Variants in SGIP1 observed in about 807,000 individuals in gnomAD.
SGIP1 encodes SH3-containing GRB2-like protein 3-interacting protein 1.
A neutral mutation model predicts 107.5 loss-of-function variants in SGIP1; 38 were observed. That is an observed-to-expected ratio of 0.35 (90% confidence interval 0.27 to 0.46). The LOEUF is 0.46. Ranked by LOEUF, SGIP1 falls within the 20% of genes least tolerant of loss-of-function variation. SGIP1 has a pLI of 1.00. For missense variants in SGIP1, 929 were observed against 1,019.5 expected (o/e 0.91, Z 1.21); for synonymous variants, 365 against 366.1 (o/e 1.00, Z 0.03).
chr1:66,704,972 A>G (rs924850122), intron 18 of SGIP1, among the ~76,000 whole-genome samples: 1 of 152,246 alleles, frequency 6.6e-6, no homozygotes, highest in Non-Finnish European at 1.5e-5. Context: ...AATATTTAAT[A>G]TGTGCTAGAC....
At chr1:66,699,567 C>T (rs571496694) in intron 18 of SGIP1, among the ~76,000 whole-genome samples, 6 of 152,286 alleles carry the variant, frequency 3.9e-5, no homozygotes, top group African/African-American at 1.4e-4. Context: ...TCCTGGAAGT[C>T]ATTCCCCTGG....
chr1:66,720,694 C>A (rs531368143), intron 19 of SGIP1, among the ~76,000 whole-genome samples: 1 of 152,096 alleles, frequency 6.6e-6, no homozygotes, highest in Non-Finnish European at 1.5e-5. Context: ...CCACTGCACT[C>A]CAGCCTGGGT....
At chr1:66,618,756 C>T (rs1339687510) in intron 1 of SGIP1, among the ~76,000 whole-genome samples, 1 of 152,186 alleles carries the variant, frequency 6.6e-6, no homozygotes, top group Non-Finnish European at 1.5e-5. Flanking sequence ...TCCCTCACCC[C>T]TAGTGATTAC....
intron 1 of SGIP1, among the ~76,000 whole-genome samples, chr1:66,548,972 G>C (rs1008103837): frequency 1.3e-5 from 2 of 152,104 alleles, no homozygotes; most frequent in Admixed American, 1.3e-4. Flanking sequence ...GTTTCCTTTG[G>C]GACAGGAACA....
chr1:66,690,146 C>T (rs772438605), intron 16 of SGIP1, 44 bp from the exon 17 acceptor site: 1 of 1,605,856 alleles, frequency 6.2e-7, no homozygotes, highest in South Asian at 1.1e-5. Context: ...AAAAATACTG[C>T]AACCTGTGTA....
chr1:66,675,544 T>TC (rs1305085723), intron 12 of SGIP1, among the ~76,000 whole-genome samples: 1 of 130,524 alleles, frequency 7.7e-6, no homozygotes. Flanking sequence ...TTTCTTTCTT[T>TC]TTTTTTTTTT....
At chr1:66,617,533 C>T (rs564254262) in intron 1 of SGIP1, among the ~76,000 whole-genome samples, 9 of 152,284 alleles carry the variant, frequency 5.9e-5, no homozygotes, top group South Asian at 2.1e-4. Context: ...TGTCAATATG[C>T]GGCATTGTGC....
At chr1:66,537,427 T>C (rs1260863967) in intron 1 of SGIP1, among the ~76,000 whole-genome samples, 2 of 152,172 alleles carry the variant, frequency 1.3e-5, no homozygotes, top group Admixed American at 6.5e-5. Flanking sequence ...TATATTATTA[T>C]TAAAGTTTGA....
At chr1:66,629,590 G>A (rs887758276) in intron 2 of SGIP1, among the ~76,000 whole-genome samples, 6 of 151,922 alleles carry the variant, frequency 3.9e-5, no homozygotes, top group Non-Finnish European at 5.9e-5. Flanking sequence ...AAAAAAGACA[G>A]TAGTTACAAA....
intron 1 of SGIP1, among the ~76,000 whole-genome samples, chr1:66,591,466 A>C (rs2063606022): frequency 6.6e-6 from 1 of 152,130 alleles, no homozygotes; most frequent in Non-Finnish European, 1.5e-5. Flanking sequence ...AGCACTTTTA[A>C]GTTCACAGCA....
chr1:66,661,337 C>T (rs767687690), intron 8 of SGIP1, among the ~76,000 whole-genome samples: 3 of 152,270 alleles, frequency 2.0e-5, no homozygotes, highest in Admixed American at 6.5e-5. Context: ...TTGTTGTTAA[C>T]GCACCTAGGT....
intron 1 of SGIP1, among the ~76,000 whole-genome samples, chr1:66,578,105 C>A (rs1342217393): frequency 6.6e-6 from 1 of 152,040 alleles, no homozygotes; most frequent in Admixed American, 6.6e-5. Flanking sequence ...AAATACATTC[C>A]TATTACTACT....
At chr1:66,622,114 A>C (rs1381737637) in intron 1 of SGIP1, among the ~76,000 whole-genome samples, 1 of 152,180 alleles carries the variant, frequency 6.6e-6, no homozygotes, top group African/African-American at 2.4e-5. Context: ...AGTGGATGAA[A>C]TCACCCTCAG....
intron 4 of SGIP1, among the ~76,000 whole-genome samples, chr1:66,636,276 C>A (rs1382748151): frequency 6.6e-6 from 1 of 152,150 alleles, no homozygotes; most frequent in East Asian, 1.9e-4. Flanking sequence ...CGACAAAGGA[C>A]AGGAATTCAA....
chr1:66,726,723 A>C (rs903487553), intron 19 of SGIP1, among the ~76,000 whole-genome samples: 4 of 152,258 alleles, frequency 2.6e-5, no homozygotes, highest in Non-Finnish European at 5.9e-5. Context: ...TCCATACTTG[A>C]CACTATATAC....
Position 66,750,028 on chromosome 1 carries a change from TGTGTGGGG to T in SGIP1, c.*6939_*6946del, listed in dbSNP as rs1448047179. Reference sequence around the variant, plus strand: ...CTCTCTCTCTCTCTTTCTCTGTGTGTGTGTGGGGGTGTGTGTGTGTGTGTGTGTGTGTG... The same window carrying T: ...CTCTCTCTCTCTCTTTCTCTGTGTGTGTGTGTGTGTGTGTGTGTGTGTGTG... On this transcript the variant is annotated 3_prime_UTR_variant, in exon 25 of 25. Coordinates refer to ENST00000371037, the MANE Select transcript of SGIP1 (RefSeq NM_032291.4). Among the ~76,000 whole-genome samples, 1 of 55,172 alleles carries T rather than the reference TGTGTGGGG, an allele frequency of 1.8e-5. No individual in the cohort carries two copies. Among genetic ancestry groups the T allele is most frequent in the African/African-American group, 8.5e-5 (1 of 11,740 alleles). 36.2% of individuals were successfully genotyped at this position (55,172 alleles called of 152,430 possible).
chr1:66,676,257 G>T (rs1445767996), intron 12 of SGIP1, among the ~76,000 whole-genome samples: 1 of 152,182 alleles, frequency 6.6e-6, no homozygotes, highest in East Asian at 1.9e-4. Flanking sequence ...TTCCCAGCCT[G>T]TCCTAGACAA....
At chr1:66,712,948 T>C (rs930173962) in intron 18 of SGIP1, among the ~76,000 whole-genome samples, 3 of 152,104 alleles carry the variant, frequency 2.0e-5, no homozygotes, top group African/African-American at 7.2e-5. Context: ...TGGAGATGCT[T>C]TTTTGTCGGA....
chr1:66,584,925 C>A (rs1351902704), intron 1 of SGIP1, among the ~76,000 whole-genome samples: 1 of 152,174 alleles, frequency 6.6e-6, no homozygotes, highest in East Asian at 1.9e-4. Flanking sequence ...CAACTATAGA[C>A]TGGCAGCTAA....
Sources: allele counts gnomAD v4.1 joint callset (sites outside exome capture counted in the v4.1 genomes callset), GRCh38; gene constraint gnomAD v4.1.1; transcripts MANE v1.5; gene names NCBI Gene and HGNC (gene_info 2026-07-23, HGNC 2026-07-21).